ATR: variants seen among roughly 807,000 people sequenced by gnomAD.
ATR encodes serine/threonine-protein kinase ATR.
Under a neutral mutation model 305.3 loss-of-function variants are expected in ATR, and 142 were observed. That is an observed-to-expected ratio of 0.47 (90% CI 0.41 to 0.53). The LOEUF is 0.53. Ranked by LOEUF, ATR falls within the 20% of genes least tolerant of loss-of-function variation. The pLI, the probability that ATR is intolerant of heterozygous loss-of-function variation, is 0.00. For synonymous variants in ATR, 1,050 were observed against 1,068.1 expected (o/e 0.98, Z 0.33); for missense variants, 2,135 against 3,133.1 (o/e 0.68, Z 7.60).
chr3:142,495,744 A>AAAATAAAT (rs61258831), intron 34 of ATR, among the ~76,000 whole-genome samples: 7 of 151,586 alleles, frequency 4.6e-5, no homozygotes, highest in African/African-American at 1.7e-4. Context: ...ACTCCGGTTC[A>AAAATAAAT]AAATAAATAA....
intron 12 of ATR, 84 bp from the exon 13 acceptor site, chr3:142,553,482 T>C: frequency 2.7e-6 from 4 of 1,488,768 alleles, no homozygotes; most frequent in Non-Finnish European, 3.7e-6. Flanking sequence ...GTATCTCCAA[T>C]ATCCCAGAAA....
chr3:142,575,036 T>TA (rs59350099), intron 1 of ATR, among the ~76,000 whole-genome samples: 20,417 of 152,152 alleles, frequency 0.13, 1,428 homozygotes, highest in Non-Finnish European at 0.16. Flanking sequence ...AAGCAAGTTT[T>TA]AAAAAACTTG....
chr3:142,462,508 G>A (rs535314296), intron 41 of ATR, among the ~76,000 whole-genome samples: 8 of 150,248 alleles, frequency 5.3e-5, no homozygotes, highest in African/African-American at 9.8e-5. Context: ...TTGCTCTGTC[G>A]CCCAAGCTGG....
At position 142,474,012 on chromosome 3, in the gene ATR, C is replaced by T. The variant is rs371454394; in HGVS notation, c.6222-3829G>A. Among the ~76,000 whole-genome samples, 17 of 149,884 alleles carry T rather than the reference C, an allele frequency of 1.1e-4. No homozygotes were observed. The East Asian group carries it at 1.6e-3, about 14-fold the overall frequency. ...CACGATCTTGGTTCACTGTAACCTC[C>T]GCCTCCTGGGTTCAAGCAATTTTCC... On this transcript the variant is annotated intron_variant, in intron 36 of 46. Transcript: ENST00000350721.
chr3:142,508,428 A>C (rs1267289501), intron 27 of ATR, among the ~76,000 whole-genome samples: 1 of 152,176 alleles, frequency 6.6e-6, no homozygotes, highest in Non-Finnish European at 1.5e-5. Flanking sequence ...TCTATTATTA[A>C]ATTTTGAAAA....
At chr3:142,484,965 T>C (rs1344551603) in intron 36 of ATR, among the ~76,000 whole-genome samples, 175 bp downstream of exon 36, 1 of 152,198 alleles carries the variant, frequency 6.6e-6, no homozygotes, top group Non-Finnish European at 1.5e-5. Flanking sequence ...AAAAAGTTTT[T>C]AAAGTGAAGA....
chr3:142,543,579 C>T (rs531537500), intron 16 of ATR, among the ~76,000 whole-genome samples: 127 of 151,248 alleles, frequency 8.4e-4, no homozygotes, highest in Admixed American at 1.5e-3. Context: ...CTCCCTCTTT[C>T]TTTTTCTTTC....
At chr3:142,525,438 C>A (rs1027457331) in intron 21 of ATR, among the ~76,000 whole-genome samples, 35 of 151,054 alleles carry the variant, frequency 2.3e-4, no homozygotes, top group African/African-American at 8.3e-4. Flanking sequence ...AAAAAAAAAA[C>A]AACTTTGGTG....
At chr3:142,540,331 T>C (rs1008945079) in intron 18 of ATR, among the ~76,000 whole-genome samples, 2 of 152,136 alleles carry the variant, frequency 1.3e-5, no homozygotes, top group African/African-American at 4.8e-5. Flanking sequence ...GAAACTATGA[T>C]ACATACAAAC....
chr3:142,460,852 T>C (rs1344828086), intron 42 of ATR, among the ~76,000 whole-genome samples: 1 of 152,172 alleles, frequency 6.6e-6, no homozygotes, highest in Non-Finnish European at 1.5e-5. Context: ...TCCCACATAT[T>C]CTTCACCCAG....
chr3:142,485,324 C>A (rs180946780), intron 35 of ATR, 42 bp from the exon 36 acceptor site: 3 of 1,607,002 alleles, frequency 1.9e-6, no homozygotes, highest in East Asian at 4.5e-5. Flanking sequence ...GGAAATCCCA[C>A]GCTATGCTGG....
At chr3:142,521,265 G>C (rs775500309) in intron 23 of ATR, among the ~76,000 whole-genome samples, 2 of 152,078 alleles carry the variant, frequency 1.3e-5, no homozygotes, top group Non-Finnish European at 1.5e-5. Flanking sequence ...AGACCTACTG[G>C]TCACAATAAA....
At chr3:142,453,004 T>TC in intron 46 of ATR, 124 bp downstream of exon 46, 1 of 1,540,624 alleles carries the variant, frequency 6.5e-7, no homozygotes, top group Non-Finnish European at 8.7e-7. Context: ...TTCAGAGTAA[T>TC]CAATAGTCAC....
In ATR at chr3:142,493,766, G is replaced by A. The variant is rs77298210; in HGVS notation, c.5899-455C>T. Among the ~76,000 whole-genome samples the A allele has an allele frequency of 1.2e-4, 18 of 152,132 alleles. No homozygotes were observed. The East Asian group carries it at 2.3e-3, about 20-fold the overall frequency. ...GCCTATAATTCCAGCTACTCGGGAG[G>A]CTGAGGGGGAAGGATCGCTTGAGCC... On this transcript the variant is annotated intron_variant, in intron 34 of 46. Coordinates refer to ENST00000350721, the MANE Select transcript of ATR (RefSeq NM_001184.4).
At chr3:142,501,325 T>C (rs752633217) in intron 30 of ATR, among the ~76,000 whole-genome samples, 2 of 152,168 alleles carry the variant, frequency 1.3e-5, no homozygotes, top group Non-Finnish European at 2.9e-5. Context: ...ATTCATAAAG[T>C]CTCTCAACTA....
chr3:142,578,730 C>T lies in ATR; in HGVS notation c.-26G>A. 1 of 1,609,712 alleles carries T rather than the reference C, an allele frequency of 6.2e-7. No individual in the cohort carries two copies. Among genetic ancestry groups the T allele is most frequent in the East Asian group, 2.2e-5 (1 of 44,836 alleles). On this transcript the variant is annotated 5_prime_UTR_variant, in exon 1 of 47. Transcript: ENST00000350721. ...GCTGAGGCTGCGAGGCACTAGTCAACCACGCCAACGCGGGTTCCCGGCGTC... is the reference window on the plus strand; with the variant it reads ...GCTGAGGCTGCGAGGCACTAGTCAATCACGCCAACGCGGGTTCCCGGCGTC...
Position 142,465,251 on chromosome 3 carries a change from A to G in ATR, c.6898-11T>C. ...AGCAAGAATTTCCACCTAAAAGATG[A>G]TGAGTTATATATGAATTAGGGCCAA... On this transcript the variant is annotated splice_polypyrimidine_tract_variant and intron_variant, in intron 40 of 46. Transcript: ENST00000350721. 2 of 1,606,634 alleles carry G rather than the reference A, an allele frequency of 1.2e-6. No homozygotes were observed. Among genetic ancestry groups the G allele is most frequent in the Non-Finnish European group, 1.7e-6 (2 of 1,175,528 alleles).
intron 20 of ATR, among the ~76,000 whole-genome samples, chr3:142,535,512 T>A (rs1240364115): frequency 6.6e-6 from 1 of 152,166 alleles, no homozygotes; most frequent in African/African-American, 2.4e-5. Context: ...AAGGGCTACA[T>A]AATAGCTTTG....
chr3:142,472,601 A>AT (rs768593309), intron 36 of ATR, among the ~76,000 whole-genome samples: 3 of 149,842 alleles, frequency 2.0e-5, no homozygotes, highest in African/African-American at 4.9e-5. Context: ...CCCTTTTCCC[A>AT]TTTTTTTTAA....
Sources: gnomAD v4.1 joint callset for allele counts (sites outside exome capture counted in the v4.1 genomes callset) on GRCh38, gnomAD v4.1.1 for gene constraint, MANE v1.5 for transcripts, NCBI Gene and HGNC (gene_info 2026-07-23, HGNC 2026-07-21) for gene names.